Variants in FARP2 observed in about 807,000 individuals in gnomAD.
FARP2 encodes the protein FERM, ARHGEF and pleckstrin domain-containing protein 2.
A neutral mutation model predicts 130.5 loss-of-function variants in FARP2; 111 were observed. The ratio of observed to expected loss-of-function variants is 0.85; its 90% confidence interval spans 0.73 to 1.00. The LOEUF (loss-of-function observed/expected upper bound fraction) is 1.00, where lower values mean the gene tolerates loss of function less well. Ranked by LOEUF, FARP2 falls within the 50% of genes least tolerant of loss-of-function variation. FARP2 has a pLI of 0.00. For missense variants in FARP2, 1,385 were observed against 1,346.3 expected, an observed-to-expected ratio of 1.03 and a Z score of -0.45; for synonymous variants, 504 against 516.9, an observed-to-expected ratio of 0.98 and a Z score of 0.34.
chr2:241,368,974 A>G (rs2061370717), intron 1 of FARP2, among the ~76,000 whole-genome samples: 1 of 152,136 alleles, frequency 6.6e-6, no homozygotes, highest in Admixed American at 6.5e-5. Flanking sequence ...TATCAGCAAC[A>G]GAGTACCACA....
chr2:241,364,556 T>G (rs1263959249), intron 1 of FARP2, among the ~76,000 whole-genome samples: 1 of 152,190 alleles, frequency 6.6e-6, no homozygotes, highest in Admixed American at 6.5e-5. Context: ...AAATAAAACT[T>G]TATAAAGCCC....
At chr2:241,486,065 G>A (rs1466737105) in intron 21 of FARP2, among the ~76,000 whole-genome samples, 1 of 152,164 alleles carries the variant, frequency 6.6e-6, no homozygotes, top group East Asian at 1.9e-4. Flanking sequence ...TGCCACCACC[G>A]GAAGCAGACC....
At chr2:241,410,404 A>G (rs1473279375) in intron 5 of FARP2, among the ~76,000 whole-genome samples, 1 of 150,802 alleles carries the variant, frequency 6.6e-6, no homozygotes, top group South Asian at 2.1e-4. Flanking sequence ...ATGTGGGTAG[A>G]TGGTATGCCT....
chr2:241,383,065 G>A (rs918436524), intron 2 of FARP2, among the ~76,000 whole-genome samples: 3 of 152,216 alleles, frequency 2.0e-5, no homozygotes, highest in African/African-American at 7.2e-5. Context: ...ATTACGGAAA[G>A]CCACACAGAT....
At chr2:241,409,740 A>AT (rs767985268) in intron 5 of FARP2, among the ~76,000 whole-genome samples, 29 of 152,298 alleles carry the variant, frequency 1.9e-4, no homozygotes, top group African/African-American at 6.5e-4. Context: ...CTGTAGGTTG[A>AT]TTTTTCCCCC....
At chr2:241,430,977 G>T (rs981859118) in intron 8 of FARP2, among the ~76,000 whole-genome samples, 1 of 151,430 alleles carries the variant, frequency 6.6e-6, no homozygotes, top group Non-Finnish European at 1.5e-5. Flanking sequence ...TCCAGCCTAG[G>T]TGATAGAGTG....
chr2:241,413,228 A>T, intron 6 of FARP2, 79 bp from the exon 7 acceptor site: 2 of 754,072 alleles, frequency 2.7e-6, no homozygotes, highest in Middle Eastern at 2.5e-4. Flanking sequence ...ATTTTTTTTT[A>T]CTTTTAATGT....
intron 2 of FARP2, among the ~76,000 whole-genome samples, chr2:241,382,712 C>G (rs1295486469): frequency 4.6e-5 from 7 of 152,154 alleles, no homozygotes; most frequent in Admixed American, 4.6e-4. Context: ...ATTCCAGAAA[C>G]AGCAGAAGCA....
intron 5 of FARP2, chr2:241,410,832 T>A (rs1210718840): frequency 1.9e-6 from 1 of 539,932 alleles, no homozygotes; most frequent in East Asian, 3.3e-5. Flanking sequence ...TGGTTTATCA[T>A]CTGACCTTCA....
rs1380802723 is a variant in FARP2 at position 241,384,317 on chromosome 2, C to G, written c.183+11027C>G. On this transcript the variant is annotated intron_variant, in intron 2 of 26. Transcript: ENST00000264042. ...GATGCTTTACATGTACAGTTTTGCA[C>G]TTTATATAGCAGCAGCTTTTTGCCA... is the stretch of plus-strand genomic sequence containing the variant. 3.3e-5 allele frequency among the ~76,000 whole-genome samples: 5 copies of G among 152,252 alleles called. No individual in the cohort carries two copies. The East Asian group carries it at 9.7e-4, about 29-fold the overall frequency.
chr2:241,478,472 A>G lies in FARP2; in HGVS notation c.2262+2485A>G, dbSNP rs192060805. The G allele has an allele frequency of 7.4e-4, 213 of 287,074 alleles. 1 individual carries two copies. In the East Asian group the frequency reaches 0.02, roughly 26 times the overall value. 17.8% of individuals were successfully genotyped at this position (287,074 alleles called of 1,614,324 possible). ...CATTGGTGGCACCTACTTTCTCACCACCCAGCAGATGCTGTGCCAGGACCT... is the reference window on the plus strand; with the variant it reads ...CATTGGTGGCACCTACTTTCTCACCGCCCAGCAGATGCTGTGCCAGGACCT... On this transcript the variant is annotated intron_variant, in intron 19 of 26. Transcript: ENST00000264042.
chr2:241,438,142 CTCTT>C (rs1274968740), intron 12 of FARP2, among the ~76,000 whole-genome samples: 13 of 152,180 alleles, frequency 8.5e-5, no homozygotes, highest in African/African-American at 3.1e-4. Context: ...CATATCATAA[CTCTT>C]TCTTCATGGT....
intron 1 of FARP2, among the ~76,000 whole-genome samples, chr2:241,365,130 T>G (rs2061275799): frequency 6.6e-6 from 1 of 152,250 alleles, no homozygotes; most frequent in Non-Finnish European, 1.5e-5. Context: ...TGAATCCTTA[T>G]GTACATCAAA....
intron 18 of FARP2, among the ~76,000 whole-genome samples, chr2:241,472,715 C>G (rs1013665621): frequency 6.4e-5 from 9 of 141,298 alleles, no homozygotes; most frequent in African/African-American, 2.4e-4. Flanking sequence ...GATGCTGCTG[C>G]TCTGAGGAGA....
rs747566511 is a variant in FARP2 at position 241,404,812 on chromosome 2, C to G, written c.302C>G (p.Pro101Arg). Residue 101 changes from proline (P) to arginine (R), a missense_variant, in exon 4 of 27, where the codon CCT (proline) becomes CGT (arginine). Coordinates refer to ENST00000264042, the MANE Select transcript of FARP2 (RefSeq NM_014808.4). ...NTQSYWIWLEPMKPIIRQIRR... is the reference protein window; with the variant it reads ...NTQSYWIWLERMKPIIRQIRR... ...ACTCTTCTTTAGATTTGGCTTGAAC[C>G]TATGAAACCCATCATTAGGCAAATA... 1.2e-6 allele frequency: 2 copies of G among 1,608,854 alleles called. No individual in the cohort carries two copies. Among genetic ancestry groups the G allele is most frequent in the Non-Finnish European group, 1.7e-6 (2 of 1,175,632 alleles).
chr2:241,441,901 C>CAGG (rs1045487979), intron 13 of FARP2: 2 of 391,946 alleles, frequency 5.1e-6, no homozygotes, highest in Admixed American at 7.8e-5. Flanking sequence ...ACAGGAATCT[C>CAGG]AGGCCTCTGC....
chr2:241,419,479 A>G (rs1281313068), intron 8 of FARP2, among the ~76,000 whole-genome samples: 1 of 152,232 alleles, frequency 6.6e-6, no homozygotes, highest in African/African-American at 2.4e-5. Flanking sequence ...GAATATATGT[A>G]TTTATTTTTA....
At chr2:241,478,977 A>G in intron 19 of FARP2, 1 of 450,168 alleles carries the variant, frequency 2.2e-6, no homozygotes. Flanking sequence ...TTGCAAGAAC[A>G]AGGTTCAAGG....
At chr2:241,461,018 C>T (rs765473008) in intron 14 of FARP2, among the ~76,000 whole-genome samples, 3 of 152,168 alleles carry the variant, frequency 2.0e-5, no homozygotes, top group South Asian at 2.1e-4. Context: ...CTCTCATCCA[C>T]GAGGGTAGAC....
Sources: allele counts gnomAD v4.1 joint callset (sites outside exome capture counted in the v4.1 genomes callset), GRCh38; gene constraint gnomAD v4.1.1; transcripts MANE v1.5; gene names NCBI Gene and HGNC (gene_info 2026-07-23, HGNC 2026-07-21).